Variants in JAM3 observed in about 807,000 individuals in gnomAD.
The protein encoded by JAM3 is junctional adhesion molecule C.
In JAM3, 31 loss-of-function variants were observed where a neutral mutation model predicts 39.4. The observed-to-expected ratio is 0.79, with a 90% CI of 0.59 to 1.06. The LOEUF is 1.06. Ranked by LOEUF, JAM3 falls within the 50% of genes least tolerant of loss-of-function variation. The probability of loss-of-function intolerance (pLI) is 0.00; values close to 1 mark genes in which losing one functional copy is unlikely to be tolerated. For synonymous variants in JAM3, 182 were observed against 148.7 expected (o/e 1.22, Z -1.63); for missense variants, 455 against 391.4 (o/e 1.16, Z -1.37).
intron 1 of JAM3, among the ~76,000 whole-genome samples, chr11:134,135,688 G>C (rs1291603076): frequency 6.6e-6 from 1 of 151,670 alleles, no homozygotes; most frequent in East Asian, 1.9e-4. Context: ...CAGGTGTGAT[G>C]CCCGGCTAAT....
At position 134,134,302 on chromosome 11, in the gene JAM3, A is replaced by G. The variant is rs545902248; in HGVS notation, c.77-5549A>G. Among the ~76,000 whole-genome samples, 34 of 150,290 alleles carry G rather than the reference A, an allele frequency of 2.3e-4. No individual in the cohort carries two copies. In the South Asian group the frequency reaches 6.7e-3, roughly 30 times the overall value. ...AGAAACAGAAGATGAGAACAAAAAT[A>G]TTTGAAGCAATTATGACTGAGAATT... is the stretch of plus-strand genomic sequence containing the variant. On this transcript the variant is annotated intron_variant, in intron 1 of 8. Coordinates refer to ENST00000299106, the MANE Select transcript of JAM3 (RefSeq NM_032801.5).
At chr11:134,093,401 C>T (rs1473197213) in intron 1 of JAM3, among the ~76,000 whole-genome samples, 1 of 131,854 alleles carries the variant, frequency 7.6e-6, no homozygotes, top group African/African-American at 2.9e-5. Flanking sequence ...TCATCATGTT[C>T]CATCTTACAT....
chr11:134,105,122 A>G (rs1387910721), intron 1 of JAM3, among the ~76,000 whole-genome samples: 6 of 152,166 alleles, frequency 3.9e-5, no homozygotes, highest in Admixed American at 3.9e-4. Flanking sequence ...CTGGCAAACC[A>G]AATCCAGCAG....
rs1389413493 is a variant in JAM3, at chr11:134,096,487, A to G, written c.76+27328A>G. On this transcript the variant is annotated intron_variant, in intron 1 of 8. Transcript: ENST00000299106. ...CACTTTATCGTACTTCATAGCCAGTACATAGTAGTGTTTTATTATGTTATG... is the reference window on the plus strand; with the variant it reads ...CACTTTATCGTACTTCATAGCCAGTGCATAGTAGTGTTTTATTATGTTATG... Among the ~76,000 whole-genome samples the G allele has an allele frequency of 2.0e-5, 3 of 152,200 alleles. No individual in the cohort carries two copies. The East Asian group carries it at 5.8e-4, about 29-fold the overall frequency.
At chr11:134,134,418 A>AAAAAAC (rs1942825717) in intron 1 of JAM3, among the ~76,000 whole-genome samples, 1 of 151,448 alleles carries the variant, frequency 6.6e-6, no homozygotes, top group Admixed American at 6.6e-5. Flanking sequence ...AAAAAAAAAA[A>AAAAAAC]AAAACATCTA....
At chr11:134,148,073 A>G (rs1357400559) in intron 6 of JAM3, 1 of 218,008 alleles carries the variant, frequency 4.6e-6, no homozygotes, top group Non-Finnish European at 9.2e-6. Context: ...GTTCTTACCT[A>G]GGATTCTTTA....
chr11:134,146,172 A>G, intron 6 of JAM3, 127 bp downstream of exon 6: 1 of 738,504 alleles, frequency 1.4e-6, no homozygotes, highest in East Asian at 2.7e-5. Flanking sequence ...GGAGCTGCCT[A>G]GGTCCACCAG....
In JAM3 at chr11:134,148,692, G is replaced by A; in HGVS notation, c.842+16G>A. The A allele has an allele frequency of 1.2e-6, 2 of 1,614,116 alleles. No homozygotes were observed. Among genetic ancestry groups the A allele is most frequent in the African/African-American group, 1.3e-5 (1 of 75,028 alleles). On this transcript the variant is annotated intron_variant, in intron 7 of 8. Transcript: ENST00000299106. Reference sequence around the variant, plus strand: ...ATGGAGAAAGGTGAGCCTGCCTTATGTGAAAAAAGGGAAGTTCAAGCTGGC... The same window carrying A: ...ATGGAGAAAGGTGAGCCTGCCTTATATGAAAAAAGGGAAGTTCAAGCTGGC...
chr11:134,138,638 A>G (rs1403983279), intron 1 of JAM3, among the ~76,000 whole-genome samples: 2 of 152,236 alleles, frequency 1.3e-5, no homozygotes, highest in East Asian at 1.9e-4. Context: ...CATGCATGGT[A>G]TGTATTTCTG....
At chr11:134,134,666 C>T (rs913248879) in intron 1 of JAM3, among the ~76,000 whole-genome samples, 2 of 152,146 alleles carry the variant, frequency 1.3e-5, no homozygotes, top group Non-Finnish European at 2.9e-5. Context: ...CCCTCACCAA[C>T]TCTTATTATT....
chr11:134,123,484 G>A lies in JAM3; in HGVS notation c.77-16367G>A, dbSNP rs568070380. The stretch of plus-strand genomic sequence containing the variant: ...GACAGATGGTTCTGCACAGGCTAAT[G>A]TTCTGCTGGTTTTCCTTAGAGACCT... On this transcript the variant is annotated intron_variant, in intron 1 of 8. Transcript: ENST00000299106. Among the ~76,000 whole-genome samples, 7 of 152,288 alleles carry A rather than the reference G, an allele frequency of 4.6e-5. No homozygotes were observed. In the South Asian group the frequency reaches 1.5e-3, roughly 32 times the overall value.
At chr11:134,136,018 TGAG>T (rs1469043220) in intron 1 of JAM3, among the ~76,000 whole-genome samples, 1 of 151,960 alleles carries the variant, frequency 6.6e-6, no homozygotes, top group African/African-American at 2.4e-5. Context: ...TACATTGAGC[TGAG>T]ATCACACCAT....
chr11:134,144,641 C>A, intron 4 of JAM3, 151 bp from the exon 5 acceptor site: 1 of 837,370 alleles, frequency 1.2e-6, no homozygotes, highest in Non-Finnish European at 2.0e-6. Flanking sequence ...GCAGCGGTGG[C>A]TTGTCAGTCT....
chr11:134,115,704 C>G (rs1942415702), intron 1 of JAM3, among the ~76,000 whole-genome samples: 1 of 151,808 alleles, frequency 6.6e-6, no homozygotes, highest in Admixed American at 6.6e-5. Context: ...GAGTTTGAGA[C>G]CAGCCTGGGT....
At chr11:134,093,508 G>C (rs1335543956) in intron 1 of JAM3, among the ~76,000 whole-genome samples, 1 of 130,678 alleles carries the variant, frequency 7.7e-6, no homozygotes, top group Non-Finnish European at 1.6e-5. Flanking sequence ...GTCACTCCCT[G>C]AGGGAAGCTT....
chr11:134,114,016 C>T (rs1410130444), intron 1 of JAM3, among the ~76,000 whole-genome samples: 1 of 152,104 alleles, frequency 6.6e-6, no homozygotes, highest in Non-Finnish European at 1.5e-5. Flanking sequence ...TGTTCATATC[C>T]TTTGCCCACT....
chr11:134,143,682 G>A (rs748965874), intron 3 of JAM3, among the ~76,000 whole-genome samples: 38 of 152,324 alleles, frequency 2.5e-4, no homozygotes, highest in Non-Finnish European at 4.4e-4. Flanking sequence ...TTTTGATGAA[G>A]TCCGGTGTAA....
chr11:134,079,808 A>G (rs1055743724), intron 1 of JAM3, among the ~76,000 whole-genome samples: 2 of 152,220 alleles, frequency 1.3e-5, no homozygotes, highest in African/African-American at 4.8e-5. Flanking sequence ...GAATTAGTTC[A>G]TATTTGTTAA....
At chr11:134,132,756 G>T (rs947870017) in intron 1 of JAM3, among the ~76,000 whole-genome samples, 1 of 152,144 alleles carries the variant, frequency 6.6e-6, no homozygotes, top group African/African-American at 2.4e-5. Context: ...GAGAACCAGG[G>T]AGGACCCCTG....
Sources: allele counts gnomAD v4.1 joint callset (sites outside exome capture counted in the v4.1 genomes callset), GRCh38; gene constraint gnomAD v4.1.1; transcripts MANE v1.5; gene names NCBI Gene and HGNC (gene_info 2026-07-23, HGNC 2026-07-21).